Variants in YPEL1 observed in about 807,000 individuals in gnomAD.
YPEL1 encodes yippee like 1.
Under a neutral mutation model 17.3 loss-of-function variants are expected in YPEL1, and 7 were observed. That is an observed-to-expected ratio of 0.40 (90% CI 0.23 to 0.76). The LOEUF is 0.76. YPEL1 is among the 30% of genes least tolerant of loss of function. The pLI is 0.35. For synonymous variants in YPEL1, 59 were observed against 59.6 expected, an observed-to-expected ratio of 0.99 and a Z score of 0.05; for missense variants, 91 against 155.5, an observed-to-expected ratio of 0.59 and a Z score of 2.21.
intron 1 of YPEL1, among the ~76,000 whole-genome samples, chr22:21,732,211 A>C (rs1251953533): frequency 1.3e-5 from 2 of 152,196 alleles, no homozygotes; most frequent in African/African-American, 4.8e-5. Context: ...TTCTTTCCTG[A>C]ATCTATCTCG....
intron 2 of YPEL1, among the ~76,000 whole-genome samples, chr22:21,710,106 G>C (rs915724): frequency 0.3 from 45,131 of 151,932 alleles, 6,996 homozygotes; most frequent in Non-Finnish European, 0.35. Flanking sequence ...GGGGCCAGGG[G>C]ATCTTGTTTA....
chr22:21,704,430 G>A (rs997127335), intron 2 of YPEL1, among the ~76,000 whole-genome samples: 1 of 152,202 alleles, frequency 6.6e-6, no homozygotes, highest in Non-Finnish European at 1.5e-5. Flanking sequence ...GCTGAGGTGG[G>A]CAGATCACCT....
At chr22:21,712,091 C>T (rs962795485) in intron 1 of YPEL1, among the ~76,000 whole-genome samples, 2 of 151,946 alleles carry the variant, frequency 1.3e-5, no homozygotes, top group Admixed American at 1.3e-4. Flanking sequence ...GGGAGGATGG[C>T]TTGAGCCTGG....
intron 2 of YPEL1, among the ~76,000 whole-genome samples, chr22:21,708,129 T>C (rs150364875): frequency 6.6e-6 from 1 of 152,138 alleles, no homozygotes; most frequent in African/African-American, 2.4e-5. Flanking sequence ...ATGGTCTCAA[T>C]GAATCCTCAT....
rs534204724 is a variant in YPEL1 at position 21,726,105 on chromosome 22, G to A, written c.-165+9510C>T. ...CAAGGAGTCTCTGCGGGCAGGGGCCGTGGGGTGCGGGCAGCTGCAGATTCA... is the reference window on the plus strand; with the variant it reads ...CAAGGAGTCTCTGCGGGCAGGGGCCATGGGGTGCGGGCAGCTGCAGATTCA... On this transcript the variant is annotated intron_variant, in intron 1 of 4. Transcript: ENST00000339468. Among the ~76,000 whole-genome samples the A allele has an allele frequency of 1.2e-4, 18 of 152,300 alleles. No homozygotes were observed. In the South Asian group the frequency reaches 2.5e-3, roughly 21 times the overall value.
At position 21,729,391 on chromosome 22, in the gene YPEL1, G is replaced by C. The variant is rs550376917; in HGVS notation, c.-165+6224C>G. On this transcript the variant is annotated intron_variant, in intron 1 of 4. Coordinates refer to ENST00000339468, the MANE Select transcript of YPEL1 (RefSeq NM_013313.5). The stretch of plus-strand genomic sequence containing the variant: ...GGAGGCCAAGGTGGGAAGATTACTT[G>C]AGGCCAGGAGTTCAAGATCAGCCTG... 2.6e-5 allele frequency among the ~76,000 whole-genome samples: 4 copies of C among 151,158 alleles called. No homozygotes were observed. The South Asian group carries it at 8.3e-4, about 32-fold the overall frequency.
rs144718806 is a variant in YPEL1, at chr22:21,719,117, C to T, written c.-164-8209G>A. On this transcript the variant is annotated intron_variant, in intron 1 of 4. Transcript: ENST00000339468. ...TCTGGCATCTCTTCCATGAAACTTGCTGACATGCCCTGGGGAGGTCATGGG... is the reference window on the plus strand; with the variant it reads ...TCTGGCATCTCTTCCATGAAACTTGTTGACATGCCCTGGGGAGGTCATGGG... 3.3e-5 allele frequency among the ~76,000 whole-genome samples: 5 copies of T among 152,290 alleles called. No individual in the cohort carries two copies. The East Asian group carries it at 9.6e-4, about 29-fold the overall frequency.
chr22:21,702,688 T>C (rs961156169), intron 4 of YPEL1, among the ~76,000 whole-genome samples: 7 of 150,998 alleles, frequency 4.6e-5, no homozygotes, highest in African/African-American at 1.5e-4. Flanking sequence ...GGCCAGGGGG[T>C]CAAAACCATG....
At position 21,699,820 on chromosome 22, in the gene YPEL1, A is replaced by C. The variant is rs1249173560; in HGVS notation, c.*1309T>G. The C allele has an allele frequency of 6.5e-6, 1 of 152,692 alleles. No individual in the cohort carries two copies. Among genetic ancestry groups the C allele is most frequent in the Non-Finnish European group, 1.5e-5 (1 of 68,042 alleles). The allele number at this position is 152,692 out of a possible 1,614,324, so 9.5% of individuals were successfully genotyped here. ...GTGTGTTACTCTATAGACATGGACC[A>C]GCCACTCAGCAACTGCCTGACACCT... On this transcript the variant is annotated 3_prime_UTR_variant, in exon 5 of 5. Transcript: ENST00000339468.
intron 1 of YPEL1, among the ~76,000 whole-genome samples, chr22:21,735,341 G>A (rs1467085627): frequency 6.6e-6 from 1 of 152,166 alleles, no homozygotes; most frequent in Admixed American, 6.5e-5. Context: ...TTTCACGGCG[G>A]GGCGGGAGAA....
In YPEL1 at chr22:21,710,690, G is replaced by A. The variant is rs769724746; in HGVS notation, c.55C>T (p.Arg19Ter). ...TFQAYLPNCH[R>*]TYSCIHCRAH... ...CTGCAGTGGATACAGCTGTACGTTC[G>A]GTGACAGTTCGGCAGATACGCTTGG... The change falls in exon 2 of 5, where the codon CGA becomes TGA. Residue 19 changes from arginine to a stop codon, truncating the protein, a stop_gained. Transcript: ENST00000339468. LOFTEE classifies it high-confidence loss of function. 5 of 1,614,204 alleles carry A rather than the reference G, an allele frequency of 3.1e-6. No homozygotes were observed. The highest frequency in any genetic ancestry group is 1.7e-5 in the Admixed American group (1 of 60,024).
chr22:21,704,279 T>G (rs1289823037), intron 2 of YPEL1, among the ~76,000 whole-genome samples: 2 of 152,204 alleles, frequency 1.3e-5, no homozygotes, highest in African/African-American at 4.8e-5. Flanking sequence ...CGCCGCCTCT[T>G]CTGCAGCAGT....
intron 1 of YPEL1, among the ~76,000 whole-genome samples, chr22:21,722,365 G>A (rs553606892): frequency 6.6e-6 from 1 of 152,238 alleles, no homozygotes; most frequent in East Asian, 1.9e-4. Flanking sequence ...GCAGTAAGCC[G>A]AGATCACGCC....
chr22:21,703,712 G>GA lies in YPEL1; in HGVS notation c.161+126_161+127insT, dbSNP rs942282815. 4.5e-6 allele frequency: 5 copies of GA among 1,108,264 alleles called. No homozygotes were observed. The African/African-American group carries it at 4.8e-5, about 11-fold the overall frequency. 68.7% of individuals were successfully genotyped at this position (1,108,264 alleles called of 1,614,324 possible). A position where few individuals can be genotyped will look rare whatever the true frequency, so the allele number is the denominator to read the frequency against. On this transcript the variant is annotated intron_variant, in intron 3 of 4. Coordinates refer to ENST00000339468, the MANE Select transcript of YPEL1 (RefSeq NM_013313.5). The surrounding 1 kb of genome is among the most constrained non-coding windows in gnomAD (Gnocchi z 6.1). ...TTAGCGCGTTTCAGAAACTCCCGGC[G>GA]GGGGGATGGTGGGTTCTTTCAGGAC...
Position 21,731,058 on chromosome 22 carries a change from C to A in YPEL1, c.-165+4557G>T, listed in dbSNP as rs139655022. On this transcript the variant is annotated intron_variant, in intron 1 of 4. Coordinates refer to ENST00000339468, the MANE Select transcript of YPEL1 (RefSeq NM_013313.5). ...CACAACCAAGGCCCTGGGACACATC[C>A]CAGTAGAGGTGCTTTCTTGCTAACA... 4.6e-5 allele frequency among the ~76,000 whole-genome samples: 7 copies of A among 152,214 alleles called. No homozygotes were observed. In the East Asian group the frequency reaches 1.4e-3, roughly 29 times the overall value.
intron 4 of YPEL1, among the ~76,000 whole-genome samples, chr22:21,702,604 C>T (rs901974873): frequency 6.6e-6 from 1 of 151,958 alleles, no homozygotes; most frequent in Non-Finnish European, 1.5e-5. Context: ...GAGTTTGAGA[C>T]CATCTCAAAA....
intron 4 of YPEL1, 66 bp from the exon 5 acceptor site, chr22:21,701,284 G>A: frequency 7.9e-7 from 1 of 1,263,722 alleles, no homozygotes; most frequent in Non-Finnish European, 1.1e-6. Context: ...TCACTCTTTT[G>A]GCAAAAACCC....
chr22:21,731,162 G>A (rs991396327), intron 1 of YPEL1, among the ~76,000 whole-genome samples: 1 of 152,050 alleles, frequency 6.6e-6, no homozygotes, highest in Non-Finnish European at 1.5e-5. Context: ...AGGATCATCT[G>A]AGGTCAGGAG....
intron 4 of YPEL1, among the ~76,000 whole-genome samples, chr22:21,701,687 A>G (rs1286989268): frequency 6.6e-6 from 1 of 152,194 alleles, no homozygotes; most frequent in African/African-American, 2.4e-5. Flanking sequence ...GCTTGAAGAG[A>G]TGCAAAAGAC....
Sources: allele counts gnomAD v4.1 joint callset (sites outside exome capture counted in the v4.1 genomes callset), GRCh38; gene constraint gnomAD v4.1.1; non-coding constraint Gnocchi (gnomAD v3.1); transcripts MANE v1.5; gene names NCBI Gene and HGNC (gene_info 2026-07-23, HGNC 2026-07-21).